Variants in TBC1D16 observed in about 807,000 individuals in gnomAD.
TBC1D16 encodes CTD-2529O21.1.
In TBC1D16, 58 loss-of-function variants were observed where a neutral mutation model predicts 74.7. That is an observed-to-expected ratio of 0.78 (90% CI 0.63 to 0.97). The LOEUF (loss-of-function observed/expected upper bound fraction) is 0.97, where lower values mean the gene tolerates loss of function less well. Ranked by LOEUF, TBC1D16 falls within the 50% of genes least tolerant of loss-of-function variation. TBC1D16 has a pLI of 0.00. For synonymous variants in TBC1D16, 493 were observed against 474.7 expected (o/e 1.04, Z -0.50); for missense variants, 1,014 against 1,079.5 (o/e 0.94, Z 0.85).
In TBC1D16 at chr17:79,988,415, A is replaced by G. The variant is rs1368347807; in HGVS notation, c.779+21745T>C. ...TTCCTTTTGTCGACTGTAGAGAGCT[A>G]TGAGTCAGGTCCAAGCTCCACTGGG... On this transcript the variant is annotated intron_variant, in intron 3 of 11. Transcript: ENST00000310924. The surrounding 1 kb of genome is among the most constrained non-coding windows in gnomAD (Gnocchi z 5.7). 6.6e-6 allele frequency among the ~76,000 whole-genome samples: 1 copy of G among 152,258 alleles called. No individual in the cohort carries two copies. The highest frequency in any genetic ancestry group is 1.5e-5 in the Non-Finnish European group (1 of 68,040).
chr17:79,949,144 G>T, intron 7 of TBC1D16, 138 bp from the exon 8 acceptor site: 2 of 1,096,718 alleles, frequency 1.8e-6, no homozygotes, highest in African/African-American at 1.5e-5. Context: ...GCCGGCTGCA[G>T]ACCCTCCCCG....
At chr17:79,962,305 C>T (rs147793790) in intron 3 of TBC1D16, among the ~76,000 whole-genome samples, 4,276 of 150,434 alleles carry the variant, frequency 0.028, 85 homozygotes, top group Non-Finnish European at 0.045. Context: ...ACCTCCACCT[C>T]CCGGACTCAA....
rs182108816 is a variant in TBC1D16 at position 79,975,307 on chromosome 17, G to A, written c.780-22489C>T. On this transcript the variant is annotated intron_variant, in intron 3 of 11. Coordinates refer to ENST00000310924, the MANE Select transcript of TBC1D16 (RefSeq NM_019020.4). This position sits in a 1 kb window ranked among gnomAD's most constrained non-coding sequence, Gnocchi z 4.5. ...TCCTGTAATCTACCTGGATTGGAAC[G>A]CCCAGCTTTGTACAGCCTGAGCTCT... Among the ~76,000 whole-genome samples, 2 of 152,162 alleles carry A rather than the reference G, an allele frequency of 1.3e-5. No homozygotes were observed. The highest frequency in any genetic ancestry group is 2.4e-5 in the African/African-American group (1 of 41,434).
At chr17:80,011,444 G>GT (rs752758623) in intron 2 of TBC1D16, among the ~76,000 whole-genome samples, 34 of 152,268 alleles carry the variant, frequency 2.2e-4, no homozygotes, top group Middle Eastern at 3.4e-3. Flanking sequence ...CCCTGTCTGT[G>GT]TGAGCCCAGC....
chr17:79,997,224 C>T (rs1467016660), intron 3 of TBC1D16, among the ~76,000 whole-genome samples: 1 of 152,148 alleles, frequency 6.6e-6, no homozygotes, highest in African/African-American at 2.4e-5. Flanking sequence ...AGATGGGTGC[C>T]TGTAATACCC....
chr17:80,016,940 C>T lies in TBC1D16; in HGVS notation c.-62-3331G>A, dbSNP rs982100420. 1.6e-4 allele frequency among the ~76,000 whole-genome samples: 24 copies of T among 152,306 alleles called. No homozygotes were observed. The East Asian group carries it at 2.9e-3, about 18-fold the overall frequency. On this transcript the variant is annotated intron_variant, in intron 1 of 11. Transcript: ENST00000310924. ...CATCTCCCCATCTCAGAGATCCCGA[C>T]GTCAACATCACTTGTGAAAATCACC...
At chr17:79,998,960 T>TA (rs1281347262) in intron 3 of TBC1D16, among the ~76,000 whole-genome samples, 14 of 152,104 alleles carry the variant, frequency 9.2e-5, no homozygotes, top group African/African-American at 2.7e-4. Flanking sequence ...GTATCCTTAA[T>TA]AAAACGTGAA....
intron 1 of TBC1D16, among the ~76,000 whole-genome samples, chr17:80,024,450 CCACACACACCATAGACA>C (rs1568648263): frequency 1.4e-4 from 1 of 7,194 alleles, no homozygotes; most frequent in African/African-American, 4.7e-4. Context: ...GACACACACA[CCACACACACCATAGACA>C]CACACACCAC....
chr17:79,995,700 G>C (rs1328086447), intron 3 of TBC1D16, among the ~76,000 whole-genome samples: 1 of 151,992 alleles, frequency 6.6e-6, no homozygotes, highest in Non-Finnish European at 1.5e-5. Flanking sequence ...CAGGAGAATG[G>C]CGTGAATCTG....
At chr17:80,018,712 C>G (rs2036185302) in intron 1 of TBC1D16, among the ~76,000 whole-genome samples, 1 of 149,254 alleles carries the variant, frequency 6.7e-6, no homozygotes, top group Admixed American at 6.6e-5. Flanking sequence ...AGGAATCCTC[C>G]TGCCCAGTCT....
In TBC1D16 at chr17:79,940,611, G is replaced by A. The variant is rs1051782993; in HGVS notation, c.*248C>T. The A allele has an allele frequency of 3.1e-5, 12 of 381,596 alleles. No individual in the cohort carries two copies. The highest frequency in any genetic ancestry group is 4.5e-5 in the Admixed American group (1 of 22,382). The allele number at this position is 381,596 out of a possible 1,614,324, so 23.6% of individuals were successfully genotyped here. ...CCCAGCCAGCCTGCGTCTCAGGTGC[G>A]GTGGCTGCGCGTTCCACTGCAGCGT... On this transcript the variant is annotated 3_prime_UTR_variant, in exon 12 of 12. Transcript: ENST00000310924. The surrounding 1 kb of genome is among the most constrained non-coding windows in gnomAD (Gnocchi z 5.4).
At chr17:80,030,324 G>C (rs1207426572) in intron 1 of TBC1D16, among the ~76,000 whole-genome samples, 3 of 152,110 alleles carry the variant, frequency 2.0e-5, no homozygotes, top group Admixed American at 2.0e-4. Flanking sequence ...TTAGCAGTAG[G>C]ATGAGGACCG....
chr17:79,947,231 C>T (rs1316126076), intron 9 of TBC1D16, among the ~76,000 whole-genome samples: 1 of 152,182 alleles, frequency 6.6e-6, no homozygotes, highest in Non-Finnish European at 1.5e-5. Flanking sequence ...TCAGGAGCCC[C>T]TCCTCTTCCT....
Position 79,947,687 on chromosome 17 carries a change from G to C in TBC1D16, c.1686C>G (p.Ile562Met). The C allele has an allele frequency of 6.2e-7, 1 of 1,614,136 alleles. No homozygotes were observed. Among genetic ancestry groups the C allele is most frequent in the Non-Finnish European group, 8.5e-7 (1 of 1,180,040 alleles). ...CCTCGTCCCGGGGTGAGCTGACGAA[G>C]ATCGTGTTCTGCATCAAACCCACAA... is the stretch of plus-strand genomic sequence containing the variant. ...WCFVGLMQNT[I>M]FVSSPRDEDM... The change falls in exon 9 of 12, where the codon ATC becomes ATG. Residue 562 changes from isoleucine to methionine, a missense_variant. Ile to Met is a conservative substitution (Grantham distance 10). Transcript: ENST00000310924.
chr17:79,971,475 G>A lies in TBC1D16; in HGVS notation c.780-18657C>T, dbSNP rs944113338. ...CTGGTCTGGAAGCCCTGTCCCCCAG[G>A]TCATCCTGGTCAGCAGTTGAGTGAC... is the stretch of plus-strand genomic sequence containing the variant. On this transcript the variant is annotated intron_variant, in intron 3 of 11. Transcript: ENST00000310924. This position sits in a 1 kb window ranked among gnomAD's most constrained non-coding sequence, Gnocchi z 4.6. Among the ~76,000 whole-genome samples the A allele has an allele frequency of 2.0e-5, 3 of 152,172 alleles. No homozygotes were observed. The highest frequency in any genetic ancestry group is 4.4e-5 in the Non-Finnish European group (3 of 68,034).
At chr17:79,955,655 A>G (rs1056593799) in intron 3 of TBC1D16, among the ~76,000 whole-genome samples, 2 of 152,240 alleles carry the variant, frequency 1.3e-5, no homozygotes, top group African/African-American at 4.8e-5. Flanking sequence ...AACTCCCAAG[A>G]TGCTATTACA....
chr17:79,982,959 CAT>C (rs2034646726), intron 3 of TBC1D16, among the ~76,000 whole-genome samples: 1 of 152,216 alleles, frequency 6.6e-6, no homozygotes, highest in African/African-American at 2.4e-5. Flanking sequence ...TTTGTGCATG[CAT>C]ATGTGTGTAC....
intron 1 of TBC1D16, among the ~76,000 whole-genome samples, chr17:80,018,217 T>TCCAATCTATAGGAAGGACTCAGAG (rs1568642184): frequency 6.6e-6 from 1 of 150,532 alleles, no homozygotes; most frequent in African/African-American, 2.5e-5. Flanking sequence ...TTAATAATTT[T>TCCAATCTATAGGAAGGACTCAGAG]TAGCATAATA....
Position 79,957,170 on chromosome 17 carries a change from G to A in TBC1D16, c.780-4352C>T, listed in dbSNP as rs562107283. 7.9e-5 allele frequency among the ~76,000 whole-genome samples: 12 copies of A among 152,290 alleles called. No individual in the cohort carries two copies. In the South Asian group the frequency reaches 1.5e-3, roughly 18 times the overall value. On this transcript the variant is annotated intron_variant, in intron 3 of 11. Transcript: ENST00000310924. ...TAGGTATTGGAGGAGTGAGCAGGGC[G>A]TGTTCGGTGTGCTGGGTTGGGAGAG...
Sources: gnomAD v4.1 joint callset for allele counts (sites outside exome capture counted in the v4.1 genomes callset) on GRCh38, gnomAD v4.1.1 for gene constraint, Gnocchi (gnomAD v3.1) non-coding constraint, MANE v1.5 for transcripts, NCBI Gene and HGNC (gene_info 2026-07-23, HGNC 2026-07-21) for gene names.